The following TMEM39B variants were observed in gnomAD, a reference collection of about 807,000 sequenced individuals.
TMEM39B encodes transmembrane protein 39B.
Under a neutral mutation model 52.2 loss-of-function variants are expected in TMEM39B, and 23 were observed. The observed-to-expected ratio is 0.44, with a 90% confidence interval of 0.32 to 0.62. The LOEUF is 0.62. Ranked by LOEUF, TMEM39B falls within the 20% of genes least tolerant of loss-of-function variation. The probability of loss-of-function intolerance (pLI) is 0.06; values close to 1 mark genes in which losing one functional copy is unlikely to be tolerated. For synonymous variants in TMEM39B, 285 were observed against 264.0 expected, an observed-to-expected ratio of 1.08 and a Z score of -0.77; for missense variants, 547 against 642.0, an observed-to-expected ratio of 0.85 and a Z score of 1.60.
At chr1:32,083,761 C>T (rs547523220) in intron 5 of TMEM39B, among the ~76,000 whole-genome samples, 2 of 152,080 alleles carry the variant, frequency 1.3e-5, no homozygotes, top group African/African-American at 4.8e-5. Context: ...CCCAGCTACT[C>T]AGGAGGCTAA....
chr1:32,077,860 T>G (rs1639932124), intron 5 of TMEM39B, among the ~76,000 whole-genome samples: 1 of 152,178 alleles, frequency 6.6e-6, no homozygotes, highest in Non-Finnish European at 1.5e-5. Context: ...GCTCTCTTTC[T>G]CCGTCTCACC....
At chr1:32,077,404 T>TCTTCCAG in intron 5 of TMEM39B, 86 bp downstream of exon 5, 2 of 1,491,890 alleles carry the variant, frequency 1.3e-6, no homozygotes, top group Non-Finnish European at 1.8e-6. Context: ...CAGGCCTCCA[T>TCTTCCAG]ATCTGGAAGA....
chr1:32,091,650 C>G lies in TMEM39B; in HGVS notation c.591-25C>G, dbSNP rs1354698458. The G allele has an allele frequency of 5.8e-6, 9 of 1,563,046 alleles. No homozygotes were observed. The Admixed American group carries it at 1.2e-4, about 22-fold the overall frequency. The stretch of plus-strand genomic sequence containing the variant: ...GGATCCTGGCCCATGGGCAGGCCTT[C>G]CCTCACCACCGTCTTCCCCAGCAGG... On this transcript the variant is annotated intron_variant, in intron 5 of 8. Transcript: ENST00000336294.
At chr1:32,076,654 A>G in intron 3 of TMEM39B, 109 bp from the exon 4 acceptor site, 1 of 1,141,316 alleles carries the variant, frequency 8.8e-7, no homozygotes, top group Non-Finnish European at 1.3e-6. Context: ...AAGGTCAGAG[A>G]ATGAGGACAG....
chr1:32,091,932 A>G lies in TMEM39B; in HGVS notation c.848A>G (p.Asn283Ser). ...SEVEFLKMDF[N>S]WRMKEVLVSS... ...GTGGAGTTCCTCAAGATGGACTTCA[A>G]CTGGCGCATGAAGGAAGTGCTCGTC... The change falls in exon 6 of 9, where the codon AAC (asparagine) becomes AGC (serine). Residue 283 changes from asparagine (N) to serine (S), a missense_variant. Transcript: ENST00000336294. The G allele has an allele frequency of 1.2e-6, 2 of 1,614,192 alleles. No individual in the cohort carries two copies. The highest frequency in any genetic ancestry group is 1.7e-6 in the Non-Finnish European group (2 of 1,180,036).
At chr1:32,097,262 G>T (rs1357033881) in intron 7 of TMEM39B, among the ~76,000 whole-genome samples, 1 of 150,912 alleles carries the variant, frequency 6.6e-6, no homozygotes, top group Non-Finnish European at 1.5e-5. Context: ...CTACCTTTCT[G>T]TTTTCTTTCA....
At chr1:32,075,989 C>T (rs1639842074) in intron 3 of TMEM39B, 167 bp downstream of exon 3, 2 of 532,994 alleles carry the variant, frequency 3.8e-6, no homozygotes, top group East Asian at 3.0e-5. Flanking sequence ...ACTGATGATT[C>T]ACTGAATACT....
intron 5 of TMEM39B, among the ~76,000 whole-genome samples, chr1:32,080,246 CAT>C (rs1410798921): frequency 1.3e-5 from 2 of 152,124 alleles, no homozygotes; most frequent in Admixed American, 6.5e-5. Context: ...TGAATAATTG[CAT>C]ATGTGTCCAG....
At chr1:32,080,655 A>G (rs1307689736) in intron 5 of TMEM39B, among the ~76,000 whole-genome samples, 1 of 149,548 alleles carries the variant, frequency 6.7e-6, no homozygotes, top group South Asian at 2.2e-4. Context: ...AGCCTGGGCA[A>G]CAGAGTGAGA....
chr1:32,099,232 C>CAA (rs35757706), intron 7 of TMEM39B, among the ~76,000 whole-genome samples: 13 of 86,470 alleles, frequency 1.5e-4, no homozygotes, highest in South Asian at 3.8e-4. Context: ...GACTCTGTCT[C>CAA]AAAAAAAAAA....
intron 5 of TMEM39B, among the ~76,000 whole-genome samples, chr1:32,084,662 C>G (rs144661270): frequency 6.6e-6 from 1 of 151,998 alleles, no homozygotes; most frequent in East Asian, 1.9e-4. Context: ...CTCCGCCTCC[C>G]GAGTTCAAGT....
At chr1:32,086,234 CCCCACTTCATCTTCTATCATATGTG>C (rs1223944848) in intron 5 of TMEM39B, among the ~76,000 whole-genome samples, 5 of 152,098 alleles carry the variant, frequency 3.3e-5, no homozygotes, top group African/African-American at 1.2e-4. Flanking sequence ...CATACCTGCT[CCCCACTTCATCTTCTATCATATGTG>C]CCCACTTCAA....
intron 5 of TMEM39B, among the ~76,000 whole-genome samples, chr1:32,089,155 T>A (rs7529456): frequency 1.0e-4 from 15 of 149,092 alleles, no homozygotes; most frequent in African/African-American, 3.0e-4. Flanking sequence ...TTTTTTTTTT[T>A]AGACAGGGTC....
intron 5 of TMEM39B, chr1:32,087,140 T>G (rs1428974097): frequency 1.3e-5 from 2 of 152,028 alleles, no homozygotes; most frequent in Middle Eastern, 3.4e-3. Flanking sequence ...TCTCAAAATA[T>G]TCATTATATG....
intron 6 of TMEM39B, among the ~76,000 whole-genome samples, chr1:32,092,428 G>A (rs1411380715): frequency 6.6e-6 from 1 of 152,120 alleles, no homozygotes; most frequent in African/African-American, 2.4e-5. Context: ...AAAGTGTTGG[G>A]ATTACAAGCG....
intron 5 of TMEM39B, among the ~76,000 whole-genome samples, chr1:32,078,776 G>A (rs1424768499): frequency 6.6e-6 from 1 of 151,766 alleles, no homozygotes; most frequent in Non-Finnish European, 1.5e-5. Flanking sequence ...AAGTAACTGG[G>A]ATTACAGGTG....
intron 5 of TMEM39B, among the ~76,000 whole-genome samples, chr1:32,090,528 G>A (rs1640561631): frequency 6.6e-6 from 1 of 152,052 alleles, no homozygotes; most frequent in African/African-American, 2.4e-5. Flanking sequence ...ATGGGTCACT[G>A]CAGCCTCAAC....
At chr1:32,083,318 G>T (rs917869585) in intron 5 of TMEM39B, among the ~76,000 whole-genome samples, 8 of 146,504 alleles carry the variant, frequency 5.5e-5, no homozygotes, top group Non-Finnish European at 1.0e-4. Context: ...CCCGACCTCA[G>T]GTGATCCACC....
chr1:32,100,667 C>A, intron 8 of TMEM39B, 105 bp downstream of exon 8: 1 of 1,493,686 alleles, frequency 6.7e-7, no homozygotes, highest in Non-Finnish European at 9.2e-7. Flanking sequence ...TTCAGTATTT[C>A]CCCAATCCAA....
Sources: allele counts gnomAD v4.1 joint callset (sites outside exome capture counted in the v4.1 genomes callset), GRCh38; gene constraint gnomAD v4.1.1; transcripts MANE v1.5; gene names NCBI Gene and HGNC (gene_info 2026-07-23, HGNC 2026-07-21).